PDE7B: variants seen among roughly 807,000 people sequenced by gnomAD.
PDE7B encodes 3',5'-cyclic-AMP phosphodiesterase 7B.
A neutral mutation model predicts 56.2 loss-of-function variants in PDE7B; 29 were observed. The observed-to-expected ratio is 0.52, with a 90% CI of 0.38 to 0.70. The LOEUF is 0.70. Ranked by LOEUF, PDE7B falls within the 30% of genes least tolerant of loss-of-function variation. The pLI, the probability that PDE7B is intolerant of heterozygous loss-of-function variation, is 0.00. For missense variants in PDE7B, 490 were observed against 565.0 expected (o/e 0.87, Z 1.35); for synonymous variants, 197 against 196.9 (o/e 1.00, Z 0.00).
In PDE7B at chr6:136,165,497, A is replaced by G. The variant is rs565252709; in HGVS notation, c.712-8300A>G. 5.9e-5 allele frequency: 9 copies of G among 152,294 alleles called. No homozygotes were observed. In the South Asian group the frequency reaches 1.7e-3, roughly 28 times the overall value. The allele number at this position is 152,294 out of a possible 1,614,324, so 9.4% of individuals were successfully genotyped here. On this transcript the variant is annotated intron_variant, in intron 8 of 12. Coordinates refer to ENST00000308191, the MANE Select transcript of PDE7B (RefSeq NM_018945.4). ...TGTATTTGTGATTTAAACAAGATAGAAGTTTATTCCTAACCTTCATAAAAG... is the reference window on the plus strand; with the variant it reads ...TGTATTTGTGATTTAAACAAGATAGGAGTTTATTCCTAACCTTCATAAAAG...
intron 3 of PDE7B, among the ~76,000 whole-genome samples, chr6:136,141,198 G>A (rs1292766979): frequency 6.6e-6 from 1 of 152,106 alleles, no homozygotes; most frequent in Non-Finnish European, 1.5e-5. Flanking sequence ...TTTGTCAAAG[G>A]CCTTTTCTGC....
intron 2 of PDE7B, among the ~76,000 whole-genome samples, chr6:136,017,261 C>T (rs1416213367): frequency 6.6e-6 from 1 of 152,160 alleles, no homozygotes; most frequent in African/African-American, 2.4e-5. Context: ...AGAAGAATCA[C>T]TTAAATAAAA....
intron 1 of PDE7B, among the ~76,000 whole-genome samples, chr6:135,928,814 G>A (rs1339150914): frequency 2.0e-5 from 3 of 151,940 alleles, no homozygotes; most frequent in Non-Finnish European, 4.4e-5. Context: ...CTTGAAGTGG[G>A]AGGGTGGGAG....
chr6:136,056,382 C>T (rs1392446152), intron 2 of PDE7B, among the ~76,000 whole-genome samples: 1 of 152,134 alleles, frequency 6.6e-6, no homozygotes, highest in Non-Finnish European at 1.5e-5. Context: ...GCTTCGTGGG[C>T]CATCTTAAAA....
At chr6:136,111,302 G>A (rs9494450) in intron 3 of PDE7B, among the ~76,000 whole-genome samples, 4 of 152,002 alleles carry the variant, frequency 2.6e-5, no homozygotes, top group African/African-American at 9.7e-5. Flanking sequence ...ATAGTTAACT[G>A]ACCAATTATT....
At chr6:136,114,537 C>T (rs1777800609) in intron 3 of PDE7B, among the ~76,000 whole-genome samples, 1 of 152,314 alleles carries the variant, frequency 6.6e-6, no homozygotes, top group African/African-American at 2.4e-5. Flanking sequence ...TCCTTCCAGA[C>T]TCCATTTCCT....
intron 11 of PDE7B, among the ~76,000 whole-genome samples, chr6:136,183,331 C>G (rs1423694074): frequency 6.6e-6 from 1 of 151,858 alleles, no homozygotes; most frequent in Non-Finnish European, 1.5e-5. Context: ...TGGTGGCTCA[C>G]GCCTGTAATC....
chr6:136,082,985 G>C (rs983254589), intron 2 of PDE7B, among the ~76,000 whole-genome samples: 1 of 152,276 alleles, frequency 6.6e-6, no homozygotes, highest in East Asian at 1.9e-4. Context: ...AAGAGGAATT[G>C]GTTTAAAAGG....
chr6:136,156,861 C>G (rs891254879), intron 8 of PDE7B, among the ~76,000 whole-genome samples: 2 of 152,014 alleles, frequency 1.3e-5, no homozygotes, highest in African/African-American at 4.8e-5. Flanking sequence ...TGGCTATATA[C>G]CATCACTATT....
chr6:136,178,860 G>A, intron 9 of PDE7B, 137 bp from the exon 10 acceptor site: 2 of 891,122 alleles, frequency 2.2e-6, no homozygotes, highest in South Asian at 3.2e-5. Context: ...AGGCAGTGAA[G>A]GACTGGCACA....
At chr6:135,971,432 C>A (rs577023916) in intron 2 of PDE7B, among the ~76,000 whole-genome samples, 3 of 152,128 alleles carry the variant, frequency 2.0e-5, no homozygotes, top group Non-Finnish European at 4.4e-5. Context: ...AATATAGTAG[C>A]GGGAAAGAGA....
chr6:135,941,745 C>T (rs551734182), intron 1 of PDE7B, among the ~76,000 whole-genome samples: 1 of 152,122 alleles, frequency 6.6e-6, no homozygotes, highest in Non-Finnish European at 1.5e-5. Context: ...TTAACATTAC[C>T]TACTTGCAGA....
chr6:135,995,019 T>C (rs991629929), intron 2 of PDE7B, among the ~76,000 whole-genome samples: 5 of 152,158 alleles, frequency 3.3e-5, no homozygotes, highest in African/African-American at 4.8e-5. Context: ...TAATCAAAGA[T>C]TATTCAGAAT....
rs1188914911 is a variant in PDE7B at position 136,191,550 on chromosome 6, C to T, written c.1127-64C>T. 1.4e-5 allele frequency: 19 copies of T among 1,342,658 alleles called. No individual in the cohort carries two copies. The South Asian group carries it at 1.6e-4, about 11-fold the overall frequency. 83.2% of individuals were successfully genotyped at this position (1,342,658 alleles called of 1,614,324 possible). A position where few individuals can be genotyped will look rare whatever the true frequency, so the allele number is the denominator to read the frequency against. ...GGCGTGGTGGGTCCCCAGTCATGCT[C>T]GGGAGGGAGTAAGGAGCGGGTTTCA... is the stretch of plus-strand genomic sequence containing the variant. On this transcript the variant is annotated intron_variant, in intron 12 of 12. Transcript: ENST00000308191.
intron 1 of PDE7B, among the ~76,000 whole-genome samples, chr6:135,857,756 C>T (rs972679995): frequency 6.6e-6 from 1 of 152,014 alleles, no homozygotes; most frequent in Non-Finnish European, 1.5e-5. Context: ...GAACACCATA[C>T]AGTCATGTAA....
At chr6:135,913,607 C>T (rs12055457) in intron 1 of PDE7B, among the ~76,000 whole-genome samples, 5 of 152,040 alleles carry the variant, frequency 3.3e-5, no homozygotes, top group Non-Finnish European at 7.4e-5. Context: ...AAAAAGAGTT[C>T]TTAAAAAGTA....
chr6:136,151,983 G>A (rs777944560), intron 6 of PDE7B, among the ~76,000 whole-genome samples: 1 of 151,930 alleles, frequency 6.6e-6, no homozygotes, highest in African/African-American at 2.4e-5. Context: ...AAGAGAAAAT[G>A]TATTTCCTAT....
At chr6:135,922,962 G>A (rs1029152302) in intron 1 of PDE7B, among the ~76,000 whole-genome samples, 1 of 152,048 alleles carries the variant, frequency 6.6e-6, no homozygotes, top group Non-Finnish European at 1.5e-5. Flanking sequence ...ATTTCCCAGA[G>A]CCGTCCACTT....
intron 2 of PDE7B, among the ~76,000 whole-genome samples, chr6:135,998,460 A>G (rs560862717): frequency 1.3e-5 from 2 of 152,220 alleles, no homozygotes; most frequent in Non-Finnish European, 2.9e-5. Context: ...ATTGACAAAC[A>G]TAATTAAAAC....
Sources: allele counts gnomAD v4.1 joint callset (sites outside exome capture counted in the v4.1 genomes callset), GRCh38; gene constraint gnomAD v4.1.1; transcripts MANE v1.5; gene names NCBI Gene and HGNC (gene_info 2026-07-23, HGNC 2026-07-21).